Variants in ST3GAL3 observed in about 807,000 individuals in gnomAD.
ST3GAL3 encodes ST3 beta-galactoside alpha-2,3-sialyltransferase 3.
Under a neutral mutation model 50.1 loss-of-function variants are expected in ST3GAL3, and 21 were observed. That is an observed-to-expected ratio of 0.42 (90% CI 0.30 to 0.60). The LOEUF (loss-of-function observed/expected upper bound fraction) is 0.60. Ranked by LOEUF, ST3GAL3 falls within the 20% of genes least tolerant of loss-of-function variation. The pLI, the probability that ST3GAL3 is intolerant of heterozygous loss-of-function variation, is 0.19. For missense variants in ST3GAL3, 353 were observed against 489.4 expected (o/e 0.72, Z 2.63); for synonymous variants, 183 against 190.0 (o/e 0.96, Z 0.30).
At chr1:43,729,634 A>G (rs1032286778) in intron 1 of ST3GAL3, among the ~76,000 whole-genome samples, 1 of 152,062 alleles carries the variant, frequency 6.6e-6, no homozygotes, top group Non-Finnish European at 1.5e-5. Flanking sequence ...CCTAAAGCCT[A>G]CTGGTTTTTA....
chr1:43,731,281 G>A (rs1036583622), intron 1 of ST3GAL3, among the ~76,000 whole-genome samples: 2 of 151,888 alleles, frequency 1.3e-5, no homozygotes, highest in South Asian at 2.1e-4. Context: ...GCACGATTTC[G>A]GCTCACTGCA....
chr1:43,740,846 G>C (rs1466981954), intron 2 of ST3GAL3, among the ~76,000 whole-genome samples: 1 of 150,400 alleles, frequency 6.6e-6, no homozygotes, highest in African/African-American at 2.5e-5. Context: ...GAAAGAGAAG[G>C]AGAGAGGGAG....
chr1:43,904,304 C>A (rs1160585270), intron 9 of ST3GAL3, among the ~76,000 whole-genome samples: 4 of 152,104 alleles, frequency 2.6e-5, no homozygotes, highest in African/African-American at 4.8e-5. Flanking sequence ...CCTGTTCAAG[C>A]CTGAGAGGGA....
At position 43,713,204 on chromosome 1, in the gene ST3GAL3, A is replaced by G. The variant is rs1317167145; in HGVS notation, c.-31+5511A>G. Among the ~76,000 whole-genome samples the G allele has an allele frequency of 2.0e-5, 3 of 152,184 alleles. No homozygotes were observed. The East Asian group carries it at 5.8e-4, about 29-fold the overall frequency. ...ATGTCTGTGTGCTTCCTAGGGCTAG[A>G]TGAGCAGCAGACCAGGATTTCAGTC... On this transcript the variant is annotated intron_variant, in intron 1 of 11. Coordinates refer to ENST00000347631, the MANE Select transcript of ST3GAL3 (RefSeq NM_006279.5).
rs186226123 is a variant in ST3GAL3, at chr1:43,863,819, T to G, written c.302+25508T>G. ...GCGACCAGGCCTCCAGAGAAGAGCA[T>G]GCTTGCATCAGTACCTCATAGATCC... On this transcript the variant is annotated intron_variant, in intron 5 of 11. Coordinates refer to ENST00000347631, the MANE Select transcript of ST3GAL3 (RefSeq NM_006279.5). Among the ~76,000 whole-genome samples the G allele has an allele frequency of 1.0e-3, 159 of 152,290 alleles. 1 individual carries two copies. Among genetic ancestry groups the G allele is most frequent in the African/African-American group, 3.7e-3 (153 of 41,550 alleles).
chr1:43,807,300 C>T (rs1350419863), intron 3 of ST3GAL3, among the ~76,000 whole-genome samples: 3 of 152,076 alleles, frequency 2.0e-5, no homozygotes, highest in Non-Finnish European at 4.4e-5. Flanking sequence ...CCTGTAATCC[C>T]AGCTACTCGG....
At chr1:43,745,551 G>A (rs964236841) in intron 2 of ST3GAL3, among the ~76,000 whole-genome samples, 6 of 152,220 alleles carry the variant, frequency 3.9e-5, no homozygotes, top group African/African-American at 1.4e-4. Context: ...ATTTTGGTCA[G>A]TGACAGACCA....
intron 3 of ST3GAL3, among the ~76,000 whole-genome samples, chr1:43,796,118 C>A (rs1199324917): frequency 1.3e-5 from 2 of 152,184 alleles, no homozygotes; most frequent in African/African-American, 4.8e-5. Flanking sequence ...CTTCAAGCAC[C>A]TAAAACTGAG....
chr1:43,746,481 G>C (rs1482964562), intron 2 of ST3GAL3, among the ~76,000 whole-genome samples: 1 of 97,794 alleles, frequency 1.0e-5, no homozygotes, highest in Non-Finnish European at 2.1e-5. Context: ...TTTTTTTTTT[G>C]AGATGGAGTC....
intron 5 of ST3GAL3, among the ~76,000 whole-genome samples, chr1:43,871,526 T>G (rs1570305365): frequency 2.7e-5 from 2 of 75,104 alleles, no homozygotes; most frequent in Non-Finnish European, 5.2e-5. Context: ...GAGGATGGGG[T>G]GTGAGGGAGA....
chr1:43,857,520 TTCCC>T (rs1472869943), intron 5 of ST3GAL3, among the ~76,000 whole-genome samples: 2 of 137,482 alleles, frequency 1.5e-5, no homozygotes, highest in Non-Finnish European at 3.2e-5. Context: ...CCTTCCTTCC[TTCCC>T]TCCTCCTTCC....
intron 4 of ST3GAL3, among the ~76,000 whole-genome samples, chr1:43,822,739 C>T (rs551152802): frequency 3.3e-5 from 5 of 152,202 alleles, no homozygotes; most frequent in South Asian, 4.2e-4. Context: ...TAATCTAATC[C>T]GGTATCATGG....
chr1:43,808,689 C>A (rs2060190709), intron 3 of ST3GAL3, among the ~76,000 whole-genome samples: 1 of 152,140 alleles, frequency 6.6e-6, no homozygotes, highest in South Asian at 2.1e-4. Flanking sequence ...AACTAGAATT[C>A]ACAGATCATC....
intron 5 of ST3GAL3, among the ~76,000 whole-genome samples, chr1:43,854,077 C>T (rs1229333642): frequency 1.3e-5 from 2 of 152,114 alleles, no homozygotes; most frequent in Non-Finnish European, 2.9e-5. Flanking sequence ...GATTGAGAGG[C>T]GTCCTTGCCA....
At position 43,838,895 on chromosome 1, in the gene ST3GAL3, CT is replaced by C. The variant is rs546592420; in HGVS notation, c.302+588del. 22 of 161,752 alleles carry C rather than the reference CT, an allele frequency of 1.4e-4. No homozygotes were observed. In the South Asian group the frequency reaches 3.7e-3, roughly 27 times the overall value. The allele number at this position is 161,752 out of a possible 1,614,324, so 10.0% of individuals were successfully genotyped here. A position where few individuals can be genotyped will look rare whatever the true frequency, so the allele number is the denominator to read the frequency against. ...GATCCACCTTCTCCTTTTTGGTTTT[CT>C]TTTCTGAAGCCTTGGTGTGGAAAAG... is the stretch of plus-strand genomic sequence containing the variant. On this transcript the variant is annotated intron_variant, in intron 5 of 11. Transcript: ENST00000347631.
chr1:43,782,735 C>G (rs796255691), intron 2 of ST3GAL3, among the ~76,000 whole-genome samples: 1 of 143,602 alleles, frequency 7.0e-6, no homozygotes, highest in South Asian at 2.1e-4. Flanking sequence ...ACATCTAATC[C>G]TCATGACATG....
chr1:43,712,936 G>A (rs963676821), intron 1 of ST3GAL3, among the ~76,000 whole-genome samples: 9 of 152,188 alleles, frequency 5.9e-5, no homozygotes. Flanking sequence ...AGGTGATTAG[G>A]TGCCACTGAA....
chr1:43,920,881 G>A lies in ST3GAL3; in HGVS notation c.991G>A (p.Ala331Thr), dbSNP rs1174973209. ...GFGYDMSTPN[A>T]PLHYYETVRM... ...TGGCTATGACATGAGCACACCCAAC[G>A]CACCCCTGCACTACTATGAGACCGT... The change falls in exon 11 of 12, where the codon GCA becomes ACA. Residue 331 changes from alanine to threonine, a missense_variant. Ala to Thr is a moderately conservative substitution (Grantham distance 58). Coordinates refer to ENST00000347631, the MANE Select transcript of ST3GAL3 (RefSeq NM_006279.5). The A allele has an allele frequency of 3.7e-6, 6 of 1,614,022 alleles. No homozygotes were observed. The highest frequency in any genetic ancestry group is 5.1e-6 in the Non-Finnish European group (6 of 1,179,976).
chr1:43,823,556 C>T lies in ST3GAL3; in HGVS notation c.209+8623C>T, dbSNP rs1430827225. Among the ~76,000 whole-genome samples the T allele has an allele frequency of 3.3e-5, 5 of 152,254 alleles. No individual in the cohort carries two copies. The East Asian group carries it at 9.6e-4, about 29-fold the overall frequency. ...TGCCCATCCCATTTAAAATCATAGC[C>T]CCATCCCCTATTGGCGTTCCCTGTT... On this transcript the variant is annotated intron_variant, in intron 4 of 11. Coordinates refer to ENST00000347631, the MANE Select transcript of ST3GAL3 (RefSeq NM_006279.5).
Sources: allele counts gnomAD v4.1 joint callset (sites outside exome capture counted in the v4.1 genomes callset), GRCh38; gene constraint gnomAD v4.1.1; transcripts MANE v1.5; gene names NCBI Gene and HGNC (gene_info 2026-07-23, HGNC 2026-07-21).